Variants in ARSD observed in about 807,000 individuals in gnomAD.
ARSD encodes testis tissue sperm-binding protein Li 39a.
ARSD carries 21 observed loss-of-function variants against 32.6 expected under a neutral mutation model. That is an observed-to-expected ratio of 0.64 (90% confidence interval 0.46 to 0.93). ARSD has a LOEUF of 0.93. ARSD is among the 40% of genes least tolerant of loss of function. The pLI, the probability that ARSD is intolerant of heterozygous loss-of-function variation, is 0.00. For synonymous variants in ARSD, 224 were observed against 237.4 expected (o/e 0.94, Z 0.52); for missense variants, 454 against 520.9 (o/e 0.87, Z 1.25).
At chrX:2,918,698 C>A (rs982548874) in intron 4 of ARSD, among the ~76,000 whole-genome samples, 7 of 110,965 alleles carry the variant, frequency 6.3e-5, no homozygotes, top group African/African-American at 2.0e-4. Context: ...CGAGATCATG[C>A]CACTGCACTC....
At chrX:2,921,081 A>G (rs1351982527) in intron 3 of ARSD, among the ~76,000 whole-genome samples, 1 of 111,409 alleles carries the variant, frequency 9.0e-6, no homozygotes, top group East Asian at 2.8e-4. Context: ...CATACAGTGC[A>G]CAGAACAGCC....
chrX:2,929,200 T>G (rs1004315197), intron 1 of ARSD, 32 bp downstream of exon 1: 49 of 1,029,420 alleles, frequency 4.8e-5, no homozygotes, highest in Admixed American at 4.9e-5. Flanking sequence ...CCCTAGGCCT[T>G]AGTATGGGCC....
intron 9 of ARSD, among the ~76,000 whole-genome samples, 184 bp downstream of exon 9, chrX:2,908,537 C>T (rs1264218265): frequency 1.0e-5 from 1 of 100,164 alleles, no homozygotes; most frequent in East Asian, 3.2e-4. Flanking sequence ...CTCTCTCTCC[C>T]CCCCCCATCA....
At chrX:2,913,458 C>T (rs759153002) in intron 6 of ARSD, 1 of 719,360 alleles carries the variant, frequency 1.4e-6, no homozygotes, top group South Asian at 7.3e-5. Flanking sequence ...GGAGGGAATC[C>T]ATTCAGATGG....
chrX:2,920,904 T>TCTACCTAC (rs1264394681), intron 3 of ARSD, among the ~76,000 whole-genome samples, 181 bp from the exon 4 acceptor site: 4 of 112,059 alleles, frequency 3.6e-5, no homozygotes, highest in African/African-American at 6.5e-5. Context: ...CTGTCATCTA[T>TCTACCTAC]CTACCTACCT....
chrX:2,922,088 T>C, intron 2 of ARSD, 64 bp from the exon 3 acceptor site: 2 of 1,127,343 alleles, frequency 1.8e-6, no homozygotes, highest in Non-Finnish European at 2.4e-6. Context: ...AGCAGATCCC[T>C]GCTCTGAAAG....
chrX:2,912,480 G>C (rs1269490939), intron 6 of ARSD, among the ~76,000 whole-genome samples: 1 of 111,397 alleles, frequency 9.0e-6, no homozygotes, highest in Non-Finnish European at 1.9e-5. Flanking sequence ...ACCACCTTGA[G>C]TACATGTTCT....
chrX:2,914,418 TGGGGG>T (rs58883920), intron 6 of ARSD: 1 of 292,337 alleles, frequency 3.4e-6, no homozygotes, highest in Non-Finnish European at 4.7e-6. Context: ...TTTGTAGAGA[TGGGGG>T]GGGGGGGCGT....
chrX:2,908,505 T>A (rs1424129753), intron 9 of ARSD, among the ~76,000 whole-genome samples: 2 of 103,597 alleles, frequency 1.9e-5, no homozygotes, highest in Non-Finnish European at 3.9e-5. Flanking sequence ...CTATCCATTA[T>A]GTCTCTATCA....
chrX:2,929,096 T>C, intron 1 of ARSD, 136 bp downstream of exon 1: 3 of 597,771 alleles, frequency 5.0e-6, no homozygotes, highest in Non-Finnish European at 6.8e-6. Context: ...TTTTGGAGAC[T>C]ACAAGGCGCC....
intron 7 of ARSD, 146 bp from the exon 8 acceptor site, chrX:2,910,125 C>T: frequency 1.4e-6 from 1 of 738,216 alleles, no homozygotes; most frequent in Non-Finnish European, 1.9e-6. Flanking sequence ...TTCCCAAAAA[C>T]AGCCACAGCA....
At chrX:2,928,737 G>A (rs1211727777) in intron 1 of ARSD, among the ~76,000 whole-genome samples, 2 of 99,035 alleles carry the variant, frequency 2.0e-5, no homozygotes, top group African/African-American at 7.4e-5. Flanking sequence ...CGCTTCGGGG[G>A]ATGGAGCCTT....
rs1283022373 is a variant in ARSD at position 2,905,203 on chromosome X, A to G, written c.*2068T>C. The G allele has an allele frequency of 1.1e-5, 3 of 264,621 alleles. No individual in the cohort carries two copies. Among genetic ancestry groups the G allele is most frequent in the Non-Finnish European group, 2.2e-5 (3 of 139,159 alleles). 21.8% of individuals were successfully genotyped at this position (264,621 alleles called of 1,213,427 possible). ...TTGGAAGCTTCCATGCTGAGGTCTG[A>G]AGGTGGCTCCCTGCCTCCCACTGAT... is the stretch of plus-strand genomic sequence containing the variant. On this transcript the variant is annotated 3_prime_UTR_variant, in exon 10 of 10. Coordinates refer to ENST00000381154, the MANE Select transcript of ARSD (RefSeq NM_001669.4).
At position 2,909,914 on chromosome X, in the gene ARSD, C is replaced by A. The variant is rs746339253; in HGVS notation, c.1201G>T (p.Val401Leu). 5 of 1,208,342 alleles carry A rather than the reference C, an allele frequency of 4.1e-6. No individual in the cohort carries two copies. In the South Asian group the frequency reaches 5.3e-5, roughly 13 times the overall value. ...CCAATCACTCGGCCGGCCGGGAGCA[C>A]CCCCGGCCAGTGGAAGATCCCGGGC... is the stretch of plus-strand genomic sequence containing the variant. ...RVPGIFHWPGVLPAGRVIGEP... is the reference protein window; with the variant it reads ...RVPGIFHWPGLLPAGRVIGEP... The change falls in exon 8 of 10, where the codon GTG (valine) becomes TTG (leucine). Residue 401 changes from valine to leucine, a missense_variant. This residue lies in a region of ARSD where 179 missense variants were observed against 198.5 expected (regional missense o/e 0.90). Coordinates refer to ENST00000381154, the MANE Select transcript of ARSD (RefSeq NM_001669.4).
At chrX:2,923,491 A>G (rs1470871888) in intron 2 of ARSD, among the ~76,000 whole-genome samples, 1 of 111,303 alleles carries the variant, frequency 9.0e-6, no homozygotes, top group Non-Finnish European at 1.9e-5. Context: ...AAACAGAAAA[A>G]CAAACCCAGT....
rs556500021 is a variant in ARSD at position 2,916,054 on chromosome X, C to T, written c.864-362G>A. 7.0e-5 allele frequency among the ~76,000 whole-genome samples: 7 copies of T among 99,575 alleles called. No homozygotes were observed. In the South Asian group the frequency reaches 3.2e-3, roughly 45 times the overall value. The allele number at this position is 99,575 out of a possible 115,157, so 86.5% of individuals were successfully genotyped here. On this transcript the variant is annotated intron_variant, in intron 5 of 9. Transcript: ENST00000381154. ...GGCCGAGGTGGGAGGACGGCTTGAG[C>T]CCGGGAGGTGGAGCTTGCAGTCAGC...
chrX:2,929,335 C>T lies in ARSD; in HGVS notation c.-60G>A, dbSNP rs2089129079. On this transcript the variant is annotated 5_prime_UTR_variant, in exon 1 of 10. Transcript: ENST00000381154. ...CTGCGCACTCCGCGCCCGGGCGCCG[C>T]TAGTGCCAAGGCTTCCGCCCTCTCA... 1.1e-6 allele frequency: 1 copy of T among 891,269 alleles called. No individual in the cohort carries two copies. The highest frequency in any genetic ancestry group is 1.4e-6 in the Non-Finnish European group (1 of 713,470). 73.5% of individuals were successfully genotyped at this position (891,269 alleles called of 1,213,427 possible).
rs1467286077 is a variant in ARSD, at chrX:2,907,900, C to A, written c.1421-268G>T. The A allele has an allele frequency of 3.3e-6, 3 of 919,461 alleles. No homozygotes were observed. In the African/African-American group the frequency reaches 6.1e-5, roughly 19 times the overall value. 75.8% of individuals were successfully genotyped at this position (919,461 alleles called of 1,213,427 possible). On this transcript the variant is annotated intron_variant, in intron 9 of 9. Transcript: ENST00000381154. ...CATTGCAGAGCGCTCACTGTGGCTG[C>A]TTTCAGAAATCAGAATCATAGAGGT...
At position 2,919,420 on chromosome X, in the gene ARSD, G is replaced by A. The variant is rs1345061716; in HGVS notation, c.439+1181C>T. ...CGGGGACAGCACCTCTAAACACACA[G>A]GCTGGGTAAGGAATGAAGGAGGTAA... is the stretch of plus-strand genomic sequence containing the variant. On this transcript the variant is annotated intron_variant, in intron 4 of 9. Coordinates refer to ENST00000381154, the MANE Select transcript of ARSD (RefSeq NM_001669.4). 3.7e-5 allele frequency among the ~76,000 whole-genome samples: 4 copies of A among 106,902 alleles called. No individual in the cohort carries two copies. The Admixed American group carries it at 4.1e-4, about 11-fold the overall frequency. 92.8% of individuals were successfully genotyped at this position (106,902 alleles called of 115,157 possible). A position where few individuals can be genotyped will look rare whatever the true frequency, so the allele number is the denominator to read the frequency against.
Sources: gnomAD v4.1 joint callset for allele counts (sites outside exome capture counted in the v4.1 genomes callset) on GRCh38, gnomAD v4.1.1 for gene constraint, gnomAD v4.1.1 regional missense constraint, MANE v1.5 for transcripts, NCBI Gene and HGNC (gene_info 2026-07-23, HGNC 2026-07-21) for gene names.